LBX1: variants seen among roughly 807,000 people sequenced by gnomAD.
LBX1 encodes transcription factor LBX1.
A neutral mutation model predicts 19.9 loss-of-function variants in LBX1; 6 were observed. The observed-to-expected ratio is 0.30, with a 90% CI of 0.17 to 0.60. The LOEUF is 0.60. Ranked by LOEUF, LBX1 falls within the 20% of genes least tolerant of loss-of-function variation. The pLI is 0.87. For synonymous variants in LBX1, 190 were observed against 189.3 expected, an observed-to-expected ratio of 1.00 and a Z score of -0.03; for missense variants, 344 against 393.7, an observed-to-expected ratio of 0.87 and a Z score of 1.07.
rs1941060427 is a variant in LBX1 at position 101,227,527 on chromosome 10, G to C, written c.589C>G (p.Leu197Val). 1 of 1,613,652 alleles carries C rather than the reference G, an allele frequency of 6.2e-7. No homozygotes were observed. The highest frequency in any genetic ancestry group is 1.3e-5 in the African/African-American group (1 of 74,934). Residue 197 changes from leucine (L) to valine (V), a missense_variant, in exon 2 of 2, where the codon CTG becomes GTG. By Grantham distance (32) the Leu-to-Val change is conservative. Transcript: ENST00000370193. Reference sequence around the variant, plus strand: ...ATGTCCATCTGCCCGCTGGGGCCCAGTTTCTTGGCGGACTCTACGTCGGCC... The same window carrying C: ...ATGTCCATCTGCCCGCTGGGGCCCACTTTCTTGGCGGACTCTACGTCGGCC... ...MKADVESAKK[L>V]GPSGQMDIVA...
chr10:101,228,716 T>G lies in LBX1; in HGVS notation c.100A>C (p.Thr34Pro). ...PPPANSNKPL[T>P]PFSIEDILNK... Reference sequence around the variant, plus strand: ...AGGATGTCCTCGATGCTGAACGGCGTCAGTGGCTTGTTGGAGTTGGCAGGC... The same window carrying G: ...AGGATGTCCTCGATGCTGAACGGCGGCAGTGGCTTGTTGGAGTTGGCAGGC... Residue 34 changes from threonine to proline, a missense_variant, in exon 1 of 2, where the codon ACG becomes CCG. Around this residue, in one of 3 missense-constraint regions of LBX1, gnomAD observed 153 missense variants for 168.9 expected, o/e 0.91. Transcript: ENST00000370193. 1 of 1,607,448 alleles carries G rather than the reference T, an allele frequency of 6.2e-7. No individual in the cohort carries two copies. Among genetic ancestry groups the G allele is most frequent in the Non-Finnish European group, 8.5e-7 (1 of 1,177,910 alleles).
chr10:101,228,099 G>A (rs1410930747), intron 1 of LBX1, among the ~76,000 whole-genome samples: 7 of 152,148 alleles, frequency 4.6e-5, no homozygotes. Flanking sequence ...TAATTGCGGT[G>A]TGAATGTTGG....
intron 1 of LBX1, 27 bp from the exon 2 acceptor site, chr10:101,227,817 G>C: frequency 6.5e-7 from 1 of 1,530,996 alleles, no homozygotes. Context: ...GTGTAGGCTC[G>C]CGTTGGGAGA....
chr10:101,228,742 G>A lies in LBX1; in HGVS notation c.74C>T (p.Pro25Leu). 1 of 1,604,278 alleles carries A rather than the reference G, an allele frequency of 6.2e-7. No individual in the cohort carries two copies. Among genetic ancestry groups the A allele is most frequent in the Non-Finnish European group, 8.5e-7 (1 of 1,177,070 alleles). Reference protein sequence around the residue: ...RRRSPLDHLPPPANSNKPLTP... With the variant: ...RRRSPLDHLPLPANSNKPLTP... ...CAGTGGCTTGTTGGAGTTGGCAGGCGGAGGCAGGTGGTCCAGCGGGCTGCG... is the reference window on the plus strand; with the variant it reads ...CAGTGGCTTGTTGGAGTTGGCAGGCAGAGGCAGGTGGTCCAGCGGGCTGCG... Residue 25 changes from proline (P) to leucine (L), a missense_variant, in exon 1 of 2, where the codon CCG (proline) becomes CTG (leucine). Physicochemically the swap from Pro to Leu is moderately conservative, Grantham distance 98. This residue lies in a region of LBX1 where 153 missense variants were observed against 168.9 expected (regional missense o/e 0.91). Transcript: ENST00000370193.
rs900268373 is a variant in LBX1 at position 101,227,037 on chromosome 10, G to A, written c.*233C>T. On this transcript the variant is annotated 3_prime_UTR_variant, in exon 2 of 2. Transcript: ENST00000370193. ...TAGAAGCCATACAGAATTGCACGGC[G>A]AGGGCTTCCGGGGCGGCGGAGGCCG... 4 of 469,778 alleles carry A rather than the reference G, an allele frequency of 8.5e-6. No individual in the cohort carries two copies. Among genetic ancestry groups the A allele is most frequent in the Non-Finnish European group, 1.5e-5 (4 of 268,946 alleles). The allele number at this position is 469,778 out of a possible 1,614,324, so 29.1% of individuals were successfully genotyped here.
Position 101,227,458 on chromosome 10 carries a change from C to T in LBX1, c.658G>A (p.Gly220Ser), listed in dbSNP as rs768258734. 5.0e-6 allele frequency: 8 copies of T among 1,599,452 alleles called. No homozygotes were observed. Among genetic ancestry groups the T allele is most frequent in the South Asian group, 1.1e-5 (1 of 90,420 alleles). Residue 220 changes from glycine to serine, a missense_variant, in exon 2 of 2, where the codon GGC (glycine) becomes AGC (serine). Physicochemically the swap from Gly to Ser is moderately conservative, Grantham distance 56. Transcript: ENST00000370193. ...GCCCTGCCGCAGCCGCCGCCACCGC[C>T]GGCTGTGGCCTCCGAGTTCTGCTCG... ...ELEQNSEATAGGGGGCGRAKS... is the reference protein window; with the variant it reads ...ELEQNSEATASGGGGCGRAKS...
Position 101,227,165 on chromosome 10 carries a change from G to C in LBX1, c.*105C>G, listed in dbSNP as rs987888953. The C allele has an allele frequency of 9.0e-7, 1 of 1,109,586 alleles. No individual in the cohort carries two copies. The highest frequency in any genetic ancestry group is 2.4e-5 in the Admixed American group (1 of 40,852). 68.7% of individuals were successfully genotyped at this position (1,109,586 alleles called of 1,614,324 possible). On this transcript the variant is annotated 3_prime_UTR_variant, in exon 2 of 2. Coordinates refer to ENST00000370193, the MANE Select transcript of LBX1 (RefSeq NM_006562.5). ...CGGGGCCGGGGACAGGGGAGGAGGC[G>C]GGAGTTGGCAGAGGAGGTCCCAGCT...
At chr10:101,228,466 A>T in intron 1 of LBX1, 25 bp downstream of exon 1, 2 of 1,519,314 alleles carry the variant, frequency 1.3e-6, no homozygotes, top group Non-Finnish European at 1.8e-6. Context: ...CGCTGGGTGC[A>T]GGGGAACCCA....
Position 101,227,212 on chromosome 10 carries a change from G to C in LBX1, c.*58C>G. 1 of 1,537,684 alleles carries C rather than the reference G, an allele frequency of 6.5e-7. No individual in the cohort carries two copies. Among genetic ancestry groups the C allele is most frequent in the African/African-American group, 1.4e-5 (1 of 70,630 alleles). Reference sequence around the variant, plus strand: ...AGCTCCCCTCGGCGGTCCGGTCCGGGAGGCGTTGGGCTTTCGAGCGCTAGG... The same window carrying C: ...AGCTCCCCTCGGCGGTCCGGTCCGGCAGGCGTTGGGCTTTCGAGCGCTAGG... On this transcript the variant is annotated 3_prime_UTR_variant, in exon 2 of 2. Coordinates refer to ENST00000370193, the MANE Select transcript of LBX1 (RefSeq NM_006562.5).
chr10:101,228,586 G>C lies in LBX1; in HGVS notation c.230C>G (p.Ala77Gly). 2 of 1,555,538 alleles carry C rather than the reference G, an allele frequency of 1.3e-6. No homozygotes were observed. The highest frequency in any genetic ancestry group is 1.7e-6 in the Non-Finnish European group (2 of 1,149,656). The stretch of plus-strand genomic sequence containing the variant: ...CAGCGGCGAGGTCTGCGAGAGCAGC[G>C]CGCGGCCCGCCAGGGGCAAGCCGCC... ...AQGGLPLAGR[A>G]LLSQTSPLCA... Residue 77 changes from alanine (A) to glycine (G), a missense_variant, in exon 1 of 2, where the codon GCG becomes GGG. Coordinates refer to ENST00000370193, the MANE Select transcript of LBX1 (RefSeq NM_006562.5).
At position 101,228,729 on chromosome 10, in the gene LBX1, G is replaced by A; in HGVS notation, c.87C>T (p.Ser29=). The change falls in exon 1 of 2, where the codon TCC becomes TCT. Residue 29 remains serine, a synonymous_variant. Transcript: ENST00000370193. ...PLDHLPPPAN[S]NKPLTPFSIE... ...TGCTGAACGGCGTCAGTGGCTTGTTGGAGTTGGCAGGCGGAGGCAGGTGGT... is the reference window on the plus strand; with the variant it reads ...TGCTGAACGGCGTCAGTGGCTTGTTAGAGTTGGCAGGCGGAGGCAGGTGGT... 1 of 1,605,390 alleles carries A rather than the reference G, an allele frequency of 6.2e-7. No individual in the cohort carries two copies. Among genetic ancestry groups the A allele is most frequent in the Non-Finnish European group, 8.5e-7 (1 of 1,177,434 alleles).
rs772137654 is a variant in LBX1 at position 101,227,401 on chromosome 10, G to T, written c.715C>A (p.Pro239Thr). ...KSRPGSPVLP[P>T]GAPKAPGAGA... ...GCGCCCGGGGCCTTCGGGGCGCCTGGGGGGAGGACCGGAGAGCCGGGCCTC... is the reference window on the plus strand; with the variant it reads ...GCGCCCGGGGCCTTCGGGGCGCCTGTGGGGAGGACCGGAGAGCCGGGCCTC... The change falls in exon 2 of 2, where the codon CCA becomes ACA. Residue 239 changes from proline (P) to threonine (T), a missense_variant. This residue lies in a region of LBX1 where 146 missense variants were observed against 124.2 expected (regional missense o/e 1.18). Transcript: ENST00000370193. 4 of 1,602,070 alleles carry T rather than the reference G, an allele frequency of 2.5e-6. No individual in the cohort carries two copies. Among genetic ancestry groups the T allele is most frequent in the Non-Finnish European group, 3.4e-6 (4 of 1,176,644 alleles).
rs1239666846 is a variant in LBX1, at chr10:101,228,881, C to T, written c.-66G>A. ...GCGGGGACCCAGCCCGCGGGCAGCTCGGGCGCCGGACGGCGCGGGCAGGCA... is the reference window on the plus strand; with the variant it reads ...GCGGGGACCCAGCCCGCGGGCAGCTTGGGCGCCGGACGGCGCGGGCAGGCA... On this transcript the variant is annotated 5_prime_UTR_variant, in exon 1 of 2. Transcript: ENST00000370193. The T allele has an allele frequency of 2.5e-6, 3 of 1,185,292 alleles. No individual in the cohort carries two copies. Among genetic ancestry groups the T allele is most frequent in the South Asian group, 3.4e-5 (1 of 29,626 alleles). The allele number at this position is 1,185,292 out of a possible 1,614,324, so 73.4% of individuals were successfully genotyped here.
In LBX1 at chr10:101,228,834, C is replaced by G. The variant is rs752530442; in HGVS notation, c.-19G>C. 1 of 1,492,044 alleles carries G rather than the reference C, an allele frequency of 6.7e-7. No homozygotes were observed. Among genetic ancestry groups the G allele is most frequent in the Admixed American group, 2.2e-5 (1 of 44,494 alleles). 92.4% of individuals were successfully genotyped at this position (1,492,044 alleles called of 1,614,324 possible). A position where few individuals can be genotyped will look rare whatever the true frequency, so the allele number is the denominator to read the frequency against. ...AAGTCATCTCGGCCTTGTTCGGGGT[C>G]CCGGCCGGGGCGGCTCGGGCCGCGG... On this transcript the variant is annotated 5_prime_UTR_variant, in exon 1 of 2. Transcript: ENST00000370193.
At position 101,228,861 on chromosome 10, in the gene LBX1, G is replaced by C; in HGVS notation, c.-46C>G. On this transcript the variant is annotated 5_prime_UTR_variant, in exon 1 of 2. Transcript: ENST00000370193. ...CGGCCGGGGCGGCTCGGGCCGCGGGGACCCAGCCCGCGGGCAGCTCGGGCG... is the reference window on the plus strand; with the variant it reads ...CGGCCGGGGCGGCTCGGGCCGCGGGCACCCAGCCCGCGGGCAGCTCGGGCG... The C allele has an allele frequency of 7.7e-7, 1 of 1,300,446 alleles. No homozygotes were observed. The highest frequency in any genetic ancestry group is 9.8e-7 in the Non-Finnish European group (1 of 1,015,926). The allele number at this position is 1,300,446 out of a possible 1,614,324, so 80.6% of individuals were successfully genotyped here.
chr10:101,228,306 C>T (rs1206694764), intron 1 of LBX1, among the ~76,000 whole-genome samples, 185 bp downstream of exon 1: 1 of 152,226 alleles, frequency 6.6e-6, no homozygotes. Context: ...CTGGCCTACC[C>T]AGAGGTCCCT....
At position 101,227,408 on chromosome 10, in the gene LBX1, G is replaced by A. The variant is rs753925634; in HGVS notation, c.708C>T (p.Val236=). 1.0e-5 allele frequency: 16 copies of A among 1,599,896 alleles called. No individual in the cohort carries two copies. In the South Asian group the frequency reaches 1.7e-4, roughly 17 times the overall value. Residue 236 remains valine, a synonymous_variant, in exon 2 of 2, where the codon GTC becomes GTT. Coordinates refer to ENST00000370193, the MANE Select transcript of LBX1 (RefSeq NM_006562.5). The part of the protein sequence containing the change: ...GRAKSRPGSP[V]LPPGAPKAPG... ...GGGCCTTCGGGGCGCCTGGGGGGAG[G>A]ACCGGAGAGCCGGGCCTCGACTTGG...
chr10:101,227,258 C>A lies in LBX1; in HGVS notation c.*12G>T, dbSNP rs1941054008. 2 of 1,598,174 alleles carry A rather than the reference C, an allele frequency of 1.3e-6. No individual in the cohort carries two copies. Among genetic ancestry groups the A allele is most frequent in the South Asian group, 1.1e-5 (1 of 90,100 alleles). ...CTAGGAGCCCAGGGCGGCGGAAGAC[C>A]CGGGGCGCCGCTCAATCGTCCACGT... is the stretch of plus-strand genomic sequence containing the variant. On this transcript the variant is annotated 3_prime_UTR_variant, in exon 2 of 2. Transcript: ENST00000370193.
Position 101,227,244 on chromosome 10 carries a change from G to T in LBX1, c.*26C>A. 4 of 1,593,106 alleles carry T rather than the reference G, an allele frequency of 2.5e-6. No individual in the cohort carries two copies. The highest frequency in any genetic ancestry group is 2.2e-5 in the South Asian group (2 of 89,562). ...TGGGCTTTCGAGCGCTAGGAGCCCA[G>T]GGCGGCGGAAGACCCGGGGCGCCGC... On this transcript the variant is annotated 3_prime_UTR_variant, in exon 2 of 2. Coordinates refer to ENST00000370193, the MANE Select transcript of LBX1 (RefSeq NM_006562.5).
Sources: allele counts gnomAD v4.1 joint callset (sites outside exome capture counted in the v4.1 genomes callset), GRCh38; gene constraint gnomAD v4.1.1; regional missense constraint gnomAD v4.1.1; transcripts MANE v1.5; gene names NCBI Gene and HGNC (gene_info 2026-07-23, HGNC 2026-07-21).